SEMA3A: variants seen among roughly 807,000 people sequenced by gnomAD.
SEMA3A encodes semaphorin-3A.
A neutral mutation model predicts 97.9 loss-of-function variants in SEMA3A; 29 were observed. The observed-to-expected ratio is 0.30, with a 90% CI of 0.22 to 0.40. SEMA3A has a LOEUF of 0.40. SEMA3A is among the 10% of genes least tolerant of loss of function. The pLI, the probability that SEMA3A is intolerant of heterozygous loss-of-function variation, is 1.00. For missense variants in SEMA3A, 763 were observed against 951.3 expected (o/e 0.80, Z 2.60); for synonymous variants, 321 against 323.7 (o/e 0.99, Z 0.09).
chr7:84,480,391 A>G (rs996122024), intron 1 of SEMA3A, among the ~76,000 whole-genome samples: 2 of 152,252 alleles, frequency 1.3e-5, no homozygotes, highest in Non-Finnish European at 2.9e-5. Context: ...AGTAAATTTT[A>G]AAACTGCTCG....
intron 3 of SEMA3A, among the ~76,000 whole-genome samples, chr7:84,286,322 A>C (rs140804932): frequency 1.3e-5 from 2 of 152,198 alleles, no homozygotes; most frequent in East Asian, 1.9e-4. Flanking sequence ...GAAGGAATGT[A>C]GAACAGATCA....
chr7:83,972,949 GA>G (rs1197069895), intron 15 of SEMA3A, among the ~76,000 whole-genome samples: 1 of 152,092 alleles, frequency 6.6e-6, no homozygotes, highest in Non-Finnish European at 1.5e-5. Flanking sequence ...AAAAATCATA[GA>G]AGTTAATACT....
intron 1 of SEMA3A, chr7:84,492,374 T>C (rs1297872033): frequency 1.3e-5 from 2 of 152,142 alleles, no homozygotes; most frequent in African/African-American, 4.8e-5. Flanking sequence ...AGTTCACTTT[T>C]GCACAGTCTT....
intron 2 of SEMA3A, among the ~76,000 whole-genome samples, chr7:84,341,417 T>C (rs1802164654): frequency 1.3e-5 from 2 of 152,032 alleles, no homozygotes; most frequent in African/African-American, 4.8e-5. Context: ...ACCATTAAAC[T>C]CCAAGTCATT....
intron 2 of SEMA3A, among the ~76,000 whole-genome samples, chr7:84,323,812 T>C (rs774759260): frequency 3.9e-5 from 6 of 152,214 alleles, no homozygotes; most frequent in Non-Finnish European, 5.9e-5. Flanking sequence ...ATTTAGAATT[T>C]AATTTTCTGA....
chr7:84,243,640 C>T (rs1312580864), intron 3 of SEMA3A, among the ~76,000 whole-genome samples: 1 of 151,960 alleles, frequency 6.6e-6, no homozygotes, highest in Non-Finnish European at 1.5e-5. Flanking sequence ...GTTTTCATGT[C>T]TCTATCTCCT....
intron 14 of SEMA3A, among the ~76,000 whole-genome samples, chr7:83,977,530 C>A (rs1454496030): frequency 6.6e-6 from 1 of 151,850 alleles, no homozygotes; most frequent in East Asian, 1.9e-4. Flanking sequence ...AAACTCAAGG[C>A]CTAACTTCTG....
intron 12 of SEMA3A, among the ~76,000 whole-genome samples, chr7:83,990,387 C>T (rs2116346082): frequency 6.6e-6 from 1 of 150,850 alleles, no homozygotes; most frequent in Non-Finnish European, 1.5e-5. Context: ...ACATGAAGTC[C>T]TTGCCCATGC....
At chr7:84,148,469 C>T (rs1796532004) in intron 1 of SEMA3A, among the ~76,000 whole-genome samples, 1 of 152,106 alleles carries the variant, frequency 6.6e-6, no homozygotes, top group African/African-American at 2.4e-5. Context: ...AGTCCGGGTA[C>T]ATTGTAATCT....
intron 6 of SEMA3A, among the ~76,000 whole-genome samples, chr7:84,035,134 A>G (rs1283442548): frequency 6.6e-6 from 1 of 152,086 alleles, no homozygotes; most frequent in East Asian, 1.9e-4. Flanking sequence ...CATGTTATAC[A>G]TACATTTATT....
At chr7:83,988,631 A>G (rs1323198617) in intron 12 of SEMA3A, among the ~76,000 whole-genome samples, 1 of 152,170 alleles carries the variant, frequency 6.6e-6, no homozygotes, top group East Asian at 1.9e-4. Flanking sequence ...TAGGAGGTAC[A>G]TTAATGTAAT....
intron 12 of SEMA3A, among the ~76,000 whole-genome samples, chr7:83,990,045 G>C (rs1181026147): frequency 6.6e-6 from 1 of 151,942 alleles, no homozygotes; most frequent in Non-Finnish European, 1.5e-5. Context: ...TTGTGGTTTT[G>C]ATTTGCATTT....
intron 2 of SEMA3A, among the ~76,000 whole-genome samples, chr7:84,366,218 C>T (rs2888321): frequency 0.29 from 43,298 of 150,984 alleles, 6,671 homozygotes; most frequent in African/African-American, 0.38. Flanking sequence ...CAACATAGTA[C>T]ACTTGCTTCA....
At chr7:84,469,622 C>T (rs1806095677) in intron 1 of SEMA3A, among the ~76,000 whole-genome samples, 1 of 152,182 alleles carries the variant, frequency 6.6e-6, no homozygotes, top group Non-Finnish European at 1.5e-5. Flanking sequence ...TTTCTGTTAA[C>T]CTAAATCATT....
chr7:83,990,034 A>G (rs1330086972), intron 12 of SEMA3A, among the ~76,000 whole-genome samples: 1 of 151,662 alleles, frequency 6.6e-6, no homozygotes, highest in Non-Finnish European at 1.5e-5. Context: ...ATGGTATCTC[A>G]TTGTGGTTTT....
At chr7:84,458,690 T>C (rs1469546874) in intron 1 of SEMA3A, among the ~76,000 whole-genome samples, 1 of 152,070 alleles carries the variant, frequency 6.6e-6, no homozygotes, top group East Asian at 1.9e-4. Flanking sequence ...TATTGATATA[T>C]CATAGTTGAT....
intron 1 of SEMA3A, among the ~76,000 whole-genome samples, chr7:84,149,667 AC>A (rs1796569265): frequency 6.6e-6 from 1 of 152,216 alleles, no homozygotes; most frequent in Non-Finnish European, 1.5e-5. Flanking sequence ...CTACTTCATC[AC>A]AAAACGTGAT....
In SEMA3A at chr7:84,358,885, T is replaced by C. The variant is rs192036274; in HGVS notation, c.-169+12939A>G. 3.3e-5 allele frequency among the ~76,000 whole-genome samples: 5 copies of C among 152,312 alleles called. No homozygotes were observed. In the East Asian group the frequency reaches 9.7e-4, roughly 29 times the overall value. On this transcript the variant is annotated intron_variant, in intron 2 of 3. Transcript: ENST00000424555. ...GTAAGTTGTATTCCTAGGTATTGTA[T>C]TCTCTTTGAAGCAATTGTGAATGGG...
At chr7:84,018,020 C>A (rs1456985937) in intron 6 of SEMA3A, among the ~76,000 whole-genome samples, 1 of 152,108 alleles carries the variant, frequency 6.6e-6, no homozygotes, top group Non-Finnish European at 1.5e-5. Flanking sequence ...AACAAGAACC[C>A]TAGTGTTGCT....
Sources: allele counts gnomAD v4.1 joint callset (sites outside exome capture counted in the v4.1 genomes callset), GRCh38; gene constraint gnomAD v4.1.1; transcripts MANE v1.5; gene names NCBI Gene and HGNC (gene_info 2026-07-23, HGNC 2026-07-21).